TTC28: variants seen among roughly 807,000 people sequenced by gnomAD.
TTC28 encodes tetratricopeptide repeat domain 28.
TTC28 carries 61 observed loss-of-function variants against 198.0 expected under a neutral mutation model. The ratio of observed to expected loss-of-function variants is 0.31; its 90% CI spans 0.25 to 0.38. The LOEUF is 0.38. Among genes scored for constraint, TTC28 ranks in the 10% least tolerant of loss-of-function variants. The probability of loss-of-function intolerance (pLI) is 1.00; values close to 1 mark genes in which losing one functional copy is unlikely to be tolerated. For synonymous variants in TTC28, 1,171 were observed against 1,297.8 expected, an observed-to-expected ratio of 0.90 and a Z score of 2.10; for missense variants, 2,678 against 3,164.0, an observed-to-expected ratio of 0.85 and a Z score of 3.69.
chr22:28,627,867 CAAG>C (rs1353505703), intron 2 of TTC28, among the ~76,000 whole-genome samples: 2 of 152,044 alleles, frequency 1.3e-5, no homozygotes, highest in African/African-American at 4.8e-5. Context: ...TAAATGAGGC[CAAG>C]AAGACCTATC....
rs1373129931 is a variant in TTC28 at position 28,163,169 on chromosome 22, T to C, written c.1364A>G (p.Gln455Arg). The change falls in exon 6 of 23, where the codon CAA becomes CGA. Residue 455 changes from glutamine to arginine, a missense_variant. Gln to Arg is a conservative substitution (Grantham distance 43). Transcript: ENST00000397906. ...RCMQDLERAK[Q>R]YHEQQLGIAE... The stretch of plus-strand genomic sequence containing the variant: ...AATGCCCAGCTGCTGCTCATGGTAT[T>C]GTTTAGCTCTCTCCAAATCCTGCAT... 6.4e-7 allele frequency: 1 copy of C among 1,551,708 alleles called. No homozygotes were observed. The highest frequency in any genetic ancestry group is 8.7e-7 in the Non-Finnish European group (1 of 1,146,994).
chr22:28,010,535 A>G (rs1196304329), intron 14 of TTC28, among the ~76,000 whole-genome samples: 4 of 152,256 alleles, frequency 2.6e-5, no homozygotes, highest in African/African-American at 9.6e-5. Flanking sequence ...GCCTCCACCA[A>G]GCCGATTTCT....
intron 2 of TTC28, among the ~76,000 whole-genome samples, chr22:28,561,144 G>C (rs2049870620): frequency 6.8e-6 from 1 of 146,024 alleles, no homozygotes. Flanking sequence ...CGCAATCTAG[G>C]CTCACTGCAA....
At chr22:28,035,027 C>T (rs1430386066) in intron 12 of TTC28, among the ~76,000 whole-genome samples, 2 of 152,190 alleles carry the variant, frequency 1.3e-5, no homozygotes, top group African/African-American at 4.8e-5. Flanking sequence ...TGGCAAGAGG[C>T]TCCAGATAGG....
intron 2 of TTC28, among the ~76,000 whole-genome samples, chr22:28,344,513 G>A (rs182066557): frequency 6.6e-6 from 1 of 152,216 alleles, no homozygotes; most frequent in South Asian, 2.1e-4. Flanking sequence ...CATGCTGAAA[G>A]ATCTAGAAAG....
intron 2 of TTC28, among the ~76,000 whole-genome samples, chr22:28,377,513 C>T (rs989265278): frequency 6.6e-6 from 1 of 151,964 alleles, no homozygotes; most frequent in Non-Finnish European, 1.5e-5. Context: ...CAAGGCTAAG[C>T]AGCTGGTAAA....
intron 14 of TTC28, chr22:28,001,854 C>A (rs992634761): frequency 1.1e-5 from 4 of 357,408 alleles, no homozygotes; most frequent in Admixed American, 7.5e-5. Flanking sequence ...GGAGACCGGT[C>A]TGTACCGCAC....
intron 1 of TTC28, among the ~76,000 whole-genome samples, chr22:28,658,237 G>A (rs1023742250): frequency 2.0e-5 from 3 of 152,116 alleles, no homozygotes; most frequent in Admixed American, 1.3e-4. Flanking sequence ...TAATCAAAAT[G>A]TAATGACAAT....
chr22:28,215,281 TAATA>T (rs974486937), intron 5 of TTC28, among the ~76,000 whole-genome samples: 1 of 152,154 alleles, frequency 6.6e-6, no homozygotes, highest in Admixed American at 6.6e-5. Flanking sequence ...TAAAGTATAA[TAATA>T]AATAAATAAA....
intron 1 of TTC28, among the ~76,000 whole-genome samples, chr22:28,636,286 C>A (rs137949583): frequency 6.6e-6 from 1 of 151,586 alleles, no homozygotes; most frequent in African/African-American, 2.4e-5. Flanking sequence ...CCACCATGTC[C>A]GGCTAATTTT....
At chr22:28,244,855 T>C (rs1456246130) in intron 5 of TTC28, among the ~76,000 whole-genome samples, 2 of 152,174 alleles carry the variant, frequency 1.3e-5, no homozygotes, top group East Asian at 1.9e-4. Flanking sequence ...AACAAGCTAA[T>C]AGCACAATTT....
intron 2 of TTC28, among the ~76,000 whole-genome samples, chr22:28,591,561 C>T (rs184004542): frequency 9.2e-4 from 140 of 152,126 alleles, no homozygotes; most frequent in Non-Finnish European, 1.3e-4. Flanking sequence ...TCCAGGTCCA[C>T]GTGCTTTTTA....
chr22:28,083,687 C>T (rs148716759), intron 12 of TTC28, among the ~76,000 whole-genome samples: 27 of 152,288 alleles, frequency 1.8e-4, no homozygotes, highest in African/African-American at 5.8e-4. Context: ...TGCAGCGCAC[C>T]GTGCATGAGA....
At chr22:28,364,423 C>T (rs542780367) in intron 2 of TTC28, among the ~76,000 whole-genome samples, 17 of 152,020 alleles carry the variant, frequency 1.1e-4, no homozygotes, top group Admixed American at 5.2e-4. Flanking sequence ...TTATCAGCAG[C>T]GTGAAAATGG....
intron 12 of TTC28, among the ~76,000 whole-genome samples, chr22:28,070,602 T>C (rs1940928989): frequency 6.6e-6 from 1 of 151,984 alleles, no homozygotes. Flanking sequence ...GGGAACATGG[T>C]GAAACTCCAC....
intron 8 of TTC28, among the ~76,000 whole-genome samples, 158 bp downstream of exon 8, chr22:28,105,121 C>G (rs535186216): frequency 6.6e-6 from 1 of 152,064 alleles, no homozygotes; most frequent in African/African-American, 2.4e-5. Context: ...GTGGGGACAC[C>G]GTGATTCTGG....
intron 5 of TTC28, among the ~76,000 whole-genome samples, chr22:28,286,400 TGA>T (rs1444611586): frequency 6.6e-6 from 1 of 152,182 alleles, no homozygotes; most frequent in Non-Finnish European, 1.5e-5. Context: ...AAAAAATTAA[TGA>T]GATACTTTAC....
intron 6 of TTC28, among the ~76,000 whole-genome samples, chr22:28,108,696 A>G (rs554034303): frequency 1.3e-5 from 2 of 152,372 alleles, no homozygotes; most frequent in South Asian, 4.1e-4. Context: ...TATATTAAAC[A>G]TAAATGAAAA....
intron 2 of TTC28, among the ~76,000 whole-genome samples, chr22:28,346,097 A>G (rs141304427): frequency 6.6e-6 from 1 of 152,300 alleles, no homozygotes; most frequent in Non-Finnish European, 1.5e-5. Context: ...TCTTTATAAC[A>G]ACCTGTAAAA....
Sources: gnomAD v4.1 joint callset for allele counts (sites outside exome capture counted in the v4.1 genomes callset) on GRCh38, gnomAD v4.1.1 for gene constraint, MANE v1.5 for transcripts, NCBI Gene and HGNC (gene_info 2026-07-23, HGNC 2026-07-21) for gene names.